The following NRXN1 variants were observed in gnomAD, a reference collection of about 807,000 sequenced individuals.
NRXN1 encodes the protein neurexin 1.
Under a neutral mutation model 150.9 loss-of-function variants are expected in NRXN1, and 39 were observed. The ratio of observed to expected loss-of-function variants is 0.26; its 90% CI spans 0.20 to 0.34. The LOEUF is 0.34. Among genes scored for constraint, NRXN1 ranks in the 10% least tolerant of loss-of-function variants. NRXN1 has a pLI of 1.00. For synonymous variants in NRXN1, 924 were observed against 757.0 expected (o/e 1.22, Z -3.62); for missense variants, 1,815 against 1,949.9 (o/e 0.93, Z 1.30).
At chr2:49,998,715 T>C (rs1249553061) in intron 21 of NRXN1, among the ~76,000 whole-genome samples, 1 of 152,182 alleles carries the variant, frequency 6.6e-6, no homozygotes, top group African/African-American at 2.4e-5. Flanking sequence ...TGAATGATAA[T>C]TATTCTACGT....
At chr2:50,839,918 C>A (rs1056307926) in intron 5 of NRXN1, among the ~76,000 whole-genome samples, 2 of 152,074 alleles carry the variant, frequency 1.3e-5, no homozygotes, top group African/African-American at 4.8e-5. Context: ...TGTAGAATTT[C>A]AACTTGACAT....
chr2:50,371,565 G>C (rs962200124), intron 17 of NRXN1, among the ~76,000 whole-genome samples: 1 of 152,012 alleles, frequency 6.6e-6, no homozygotes, highest in African/African-American at 2.4e-5. Context: ...GAGTTGCAAG[G>C]TTAATTAAAT....
At chr2:50,249,158 A>T (rs2066800788) in intron 17 of NRXN1, among the ~76,000 whole-genome samples, 2 of 49,828 alleles carry the variant, frequency 4.0e-5, no homozygotes, top group Admixed American at 4.1e-4. Flanking sequence ...CCCTTTCTTA[A>T]AAAAAAAAAA....
intron 18 of NRXN1, among the ~76,000 whole-genome samples, chr2:50,183,999 GT>G (rs1482055202): frequency 1.3e-5 from 2 of 151,940 alleles, no homozygotes; most frequent in African/African-American, 4.8e-5. Context: ...GTTTGTGTCA[GT>G]TACACTGAAT....
intron 17 of NRXN1, among the ~76,000 whole-genome samples, chr2:50,303,728 C>G (rs2074368684): frequency 1.3e-5 from 2 of 152,218 alleles, no homozygotes; most frequent in South Asian, 4.1e-4. Flanking sequence ...GTCGTTAAAA[C>G]TCATAAAACT....
intron 15 of NRXN1, among the ~76,000 whole-genome samples, chr2:50,472,712 A>G (rs1044222529): frequency 6.6e-6 from 1 of 151,836 alleles, no homozygotes; most frequent in Non-Finnish European, 1.5e-5. Context: ...TTATGTGGTC[A>G]AATTGAAGGA....
At chr2:50,292,777 C>T (rs1422132731) in intron 17 of NRXN1, among the ~76,000 whole-genome samples, 2 of 152,198 alleles carry the variant, frequency 1.3e-5, no homozygotes, top group East Asian at 1.9e-4. Context: ...ACCTTTGATG[C>T]TGCCTTTAGA....
At chr2:50,005,201 T>C (rs757497219) in intron 21 of NRXN1, among the ~76,000 whole-genome samples, 1 of 152,066 alleles carries the variant, frequency 6.6e-6, no homozygotes, top group Non-Finnish European at 1.5e-5. Flanking sequence ...GCAAAAATAA[T>C]TCTTATAACT....
intron 5 of NRXN1, among the ~76,000 whole-genome samples, chr2:50,720,210 C>T (rs1696456306): frequency 6.6e-6 from 1 of 151,506 alleles, no homozygotes; most frequent in Admixed American, 6.6e-5. Flanking sequence ...TTTTTTTTAA[C>T]CACATCTTGA....
At chr2:50,010,792 A>G (rs142044726) in intron 21 of NRXN1, among the ~76,000 whole-genome samples, 5 of 152,262 alleles carry the variant, frequency 3.3e-5, no homozygotes, top group African/African-American at 4.8e-5. Flanking sequence ...GCACAACATA[A>G]AGTCACTACA....
At chr2:50,342,964 A>C (rs936465146) in intron 17 of NRXN1, among the ~76,000 whole-genome samples, 1 of 152,246 alleles carries the variant, frequency 6.6e-6, no homozygotes, top group African/African-American at 2.4e-5. Flanking sequence ...GAAGTTTGGT[A>C]TGTGTACTGA....
At chr2:50,303,552 C>T (rs950533997) in intron 17 of NRXN1, among the ~76,000 whole-genome samples, 1 of 152,138 alleles carries the variant, frequency 6.6e-6, no homozygotes, top group Non-Finnish European at 1.5e-5. Context: ...GGTTATCCCT[C>T]TGATTGAGAG....
chr2:50,155,263 A>T (rs761310944), intron 18 of NRXN1, among the ~76,000 whole-genome samples: 6 of 151,624 alleles, frequency 4.0e-5, no homozygotes, highest in Non-Finnish European at 7.4e-5. Context: ...TGAAGTATTC[A>T]GGGAAAATAT....
At chr2:50,356,004 G>A (rs1434998128) in intron 17 of NRXN1, among the ~76,000 whole-genome samples, 1 of 151,674 alleles carries the variant, frequency 6.6e-6, no homozygotes, top group African/African-American at 2.4e-5. Context: ...AAGAATGATG[G>A]AATTCATTGT....
intron 9 of NRXN1, among the ~76,000 whole-genome samples, chr2:50,539,532 A>C (rs1405768204): frequency 1.3e-5 from 2 of 152,160 alleles, no homozygotes; most frequent in Non-Finnish European, 2.9e-5. Flanking sequence ...ATGAAAAAAA[A>C]AGAAAGATAT....
intron 5 of NRXN1, among the ~76,000 whole-genome samples, chr2:50,777,563 G>C (rs973692265): frequency 1.3e-5 from 2 of 152,130 alleles, no homozygotes; most frequent in Non-Finnish European, 2.9e-5. Context: ...TGGCAACCAA[G>C]TACCATAAAA....
chr2:50,944,604 T>G (rs1257657841), intron 2 of NRXN1, among the ~76,000 whole-genome samples: 1 of 152,136 alleles, frequency 6.6e-6, no homozygotes, highest in Non-Finnish European at 1.5e-5. Flanking sequence ...TACCAACAAT[T>G]TTCTTATCCT....
intron 2 of NRXN1, among the ~76,000 whole-genome samples, chr2:50,941,757 A>G (rs1193478039): frequency 6.6e-6 from 1 of 152,232 alleles, no homozygotes; most frequent in Non-Finnish European, 1.5e-5. Context: ...TTATGTTTAA[A>G]AGGGAAACAG....
At chr2:50,753,015 C>T (rs943515934) in intron 5 of NRXN1, among the ~76,000 whole-genome samples, 2 of 151,784 alleles carry the variant, frequency 1.3e-5, no homozygotes, top group African/African-American at 4.8e-5. Context: ...CAACTGAATC[C>T]TATTAACACT....
Sources: allele counts gnomAD v4.1 joint callset (sites outside exome capture counted in the v4.1 genomes callset), GRCh38; gene constraint gnomAD v4.1.1; transcripts MANE v1.5; gene names NCBI Gene and HGNC (gene_info 2026-07-23, HGNC 2026-07-21).